Variants in GRK3 observed in about 807,000 individuals in gnomAD.
GRK3 encodes the protein adrenergic, beta, receptor kinase 2.
In GRK3, 54 loss-of-function variants were observed where a neutral mutation model predicts 95.7. The observed-to-expected ratio is 0.56, with a 90% CI of 0.45 to 0.71. The LOEUF is 0.71. Ranked by LOEUF, GRK3 falls within the 30% of genes least tolerant of loss-of-function variation. The pLI is 0.00. For synonymous variants in GRK3, 281 were observed against 290.8 expected (o/e 0.97, Z 0.34); for missense variants, 649 against 851.2 (o/e 0.76, Z 2.96).
At chr22:25,692,552 A>C (rs2085173278) in intron 12 of GRK3, among the ~76,000 whole-genome samples, 1 of 152,258 alleles carries the variant, frequency 6.6e-6, no homozygotes, top group South Asian at 2.1e-4. Context: ...AGCCCTGAGA[A>C]CTGTGTCCCC....
intron 2 of GRK3, among the ~76,000 whole-genome samples, chr22:25,633,422 C>T (rs77045527): frequency 0.049 from 7,399 of 152,160 alleles, 208 homozygotes; most frequent in Middle Eastern, 0.099. Context: ...TCAAGTCTTC[C>T]GATCCATTCC....
At chr22:25,672,422 G>A in intron 7 of GRK3, 75 bp downstream of exon 7, 1 of 809,270 alleles carries the variant, frequency 1.2e-6, no homozygotes. Context: ...GAAAATACTT[G>A]ATTCTGGAAC....
chr22:25,691,027 C>T (rs886523772), intron 12 of GRK3, among the ~76,000 whole-genome samples: 1 of 152,158 alleles, frequency 6.6e-6, no homozygotes, highest in Non-Finnish European at 1.5e-5. Flanking sequence ...CTGAGGACTT[C>T]TCTCTGTACT....
chr22:25,604,257 G>A, intron 1 of GRK3, 120 bp from the exon 2 acceptor site: 1 of 658,680 alleles, frequency 1.5e-6, no homozygotes, highest in Non-Finnish European at 2.5e-6. Context: ...CGCAGTTGTG[G>A]CAAGAAGGGT....
intron 2 of GRK3, among the ~76,000 whole-genome samples, chr22:25,607,926 G>A (rs1601469453): frequency 6.6e-6 from 1 of 152,130 alleles, no homozygotes; most frequent in South Asian, 2.1e-4. Flanking sequence ...TACATTTCCT[G>A]TAAACTGAGA....
intron 9 of GRK3, among the ~76,000 whole-genome samples, chr22:25,683,255 A>G (rs1010206182): frequency 1.3e-5 from 2 of 152,268 alleles, no homozygotes; most frequent in African/African-American, 4.8e-5. Context: ...TAAATATACC[A>G]TACTATCCAT....
intron 18 of GRK3, among the ~76,000 whole-genome samples, chr22:25,716,924 C>T (rs1489827002): frequency 1.3e-5 from 2 of 152,130 alleles, no homozygotes; most frequent in Non-Finnish European, 2.9e-5. Flanking sequence ...TCATGAACTG[C>T]GCACGTGAGG....
chr22:25,587,360 CTGATTTAAAGGATTT>C (rs1932350176), intron 1 of GRK3, among the ~76,000 whole-genome samples: 1 of 152,124 alleles, frequency 6.6e-6, no homozygotes, highest in African/African-American at 2.4e-5. Flanking sequence ...TGTATTATTC[CTGATTTAAAGGATTT>C]TGATGAAAAG....
At chr22:25,579,181 C>T (rs935877074) in intron 1 of GRK3, among the ~76,000 whole-genome samples, 5 of 150,514 alleles carry the variant, frequency 3.3e-5, no homozygotes, top group Admixed American at 2.6e-4. Flanking sequence ...CTTTGTGACA[C>T]GCTCTCGCTC....
chr22:25,700,724 A>G (rs2085251933), intron 13 of GRK3, among the ~76,000 whole-genome samples: 1 of 152,102 alleles, frequency 6.6e-6, no homozygotes. Flanking sequence ...AGTAGCTGGG[A>G]CTACAGGCTC....
intron 2 of GRK3, among the ~76,000 whole-genome samples, chr22:25,619,456 A>G (rs113292083): frequency 0.027 from 4,119 of 152,120 alleles, 59 homozygotes; most frequent in Middle Eastern, 0.061. Context: ...AAAGCTTTTG[A>G]CCACTATACT....
At chr22:25,586,872 T>C in intron 1 of GRK3, among the ~76,000 whole-genome samples, 1 of 151,682 alleles carries the variant, frequency 6.6e-6, no homozygotes, top group Non-Finnish European at 1.5e-5. Context: ...GTTTGGACGT[T>C]GGGCAAAGCG....
Position 25,726,783 on chromosome 22 carries a change from A to T in GRK3, c.*4333A>T, listed in dbSNP as rs1184445171. The T allele has an allele frequency of 6.6e-6, 1 of 152,214 alleles. No homozygotes were observed. Among genetic ancestry groups the T allele is most frequent in the African/African-American group, 2.4e-5 (1 of 41,450 alleles). The allele number at this position is 152,214 out of a possible 1,614,324, so 9.4% of individuals were successfully genotyped here. Reference sequence around the variant, plus strand: ...GAATGTGGAGCTGCTGAACTCATTCAGAAGCCATTTGCTGCCTATCAGGAC... The same window carrying T: ...GAATGTGGAGCTGCTGAACTCATTCTGAAGCCATTTGCTGCCTATCAGGAC... On this transcript the variant is annotated 3_prime_UTR_variant, in exon 21 of 21. Coordinates refer to ENST00000324198, the MANE Select transcript of GRK3 (RefSeq NM_005160.4).
intron 1 of GRK3, among the ~76,000 whole-genome samples, chr22:25,601,657 G>T (rs2084410174): frequency 6.6e-6 from 1 of 152,090 alleles, no homozygotes; most frequent in South Asian, 2.1e-4. Flanking sequence ...CAACAGGATG[G>T]TCCAGAGATA....
intron 2 of GRK3, among the ~76,000 whole-genome samples, chr22:25,620,022 G>T (rs4049396): frequency 4.3e-5 from 6 of 139,756 alleles, no homozygotes; most frequent in African/African-American, 1.4e-4. Flanking sequence ...GTGTGTGTGT[G>T]TGTGTGTGTG....
chr22:25,695,943 C>T (rs1275193853), intron 13 of GRK3, among the ~76,000 whole-genome samples: 2 of 151,726 alleles, frequency 1.3e-5, no homozygotes, highest in African/African-American at 4.9e-5. Flanking sequence ...ACGCCATTCT[C>T]CTGCCTCAGC....
chr22:25,671,103 C>T (rs1331561300), intron 6 of GRK3, among the ~76,000 whole-genome samples: 1 of 151,720 alleles, frequency 6.6e-6, no homozygotes, highest in Non-Finnish European at 1.5e-5. Flanking sequence ...CTTGTAATCC[C>T]AGCACTTTGG....
intron 3 of GRK3, among the ~76,000 whole-genome samples, chr22:25,653,598 C>T (rs1280745465): frequency 6.6e-6 from 1 of 152,050 alleles, no homozygotes; most frequent in Non-Finnish European, 1.5e-5. Context: ...AACAGACAGA[C>T]AAAAAATTAG....
At chr22:25,584,813 T>C (rs1156965497) in intron 1 of GRK3, among the ~76,000 whole-genome samples, 9 of 152,276 alleles carry the variant, frequency 5.9e-5, no homozygotes, top group African/African-American at 2.2e-4. Context: ...TTGAGAAACT[T>C]AGATACAGGG....
Sources: allele counts gnomAD v4.1 joint callset (sites outside exome capture counted in the v4.1 genomes callset), GRCh38; gene constraint gnomAD v4.1.1; transcripts MANE v1.5; gene names NCBI Gene and HGNC (gene_info 2026-07-23, HGNC 2026-07-21).